Variants in SLBP observed in about 807,000 individuals in gnomAD.
SLBP encodes stem-loop histone mRNA binding protein, also known as histone RNA hairpin-binding protein.
In SLBP, 29 loss-of-function variants were observed where a neutral mutation model predicts 39.2. That is an observed-to-expected ratio of 0.74 (90% CI 0.55 to 1.01). The LOEUF (loss-of-function observed/expected upper bound fraction) is 1.01, where lower values mean the gene tolerates loss of function less well. SLBP is among the 50% of genes least tolerant of loss of function. The probability of loss-of-function intolerance (pLI) is 0.00; values close to 1 mark genes in which losing one functional copy is unlikely to be tolerated. For missense variants in SLBP, 390 were observed against 350.2 expected, an observed-to-expected ratio of 1.11 and a Z score of -0.91; for synonymous variants, 129 against 118.7, an observed-to-expected ratio of 1.09 and a Z score of -0.57.
In SLBP at chr4:1,693,378, T is replaced by C; in HGVS notation, c.*219A>G. On this transcript the variant is annotated 3_prime_UTR_variant, in exon 8 of 8. Coordinates refer to ENST00000489418, the MANE Select transcript of SLBP (RefSeq NM_006527.4). Reference sequence around the variant, plus strand: ...TGGAAGAGAGCTTCAAGTACTTTCTTGGACTTAGCTCCATTTACAATTTAA... The same window carrying C: ...TGGAAGAGAGCTTCAAGTACTTTCTCGGACTTAGCTCCATTTACAATTTAA... The C allele has an allele frequency of 4.3e-6, 2 of 465,954 alleles. No individual in the cohort carries two copies. The highest frequency in any genetic ancestry group is 7.5e-5 in the East Asian group (2 of 26,556). 28.9% of individuals were successfully genotyped at this position (465,954 alleles called of 1,614,324 possible). A position where few individuals can be genotyped will look rare whatever the true frequency, so the allele number is the denominator to read the frequency against.
Position 1,712,281 on chromosome 4 carries a change from G to A in SLBP, c.-93C>T, listed in dbSNP as rs1355413670. 2 of 765,590 alleles carry A rather than the reference G, an allele frequency of 2.6e-6. No homozygotes were observed. The highest frequency in any genetic ancestry group is 2.7e-5 in the South Asian group (1 of 37,408). 47.4% of individuals were successfully genotyped at this position (765,590 alleles called of 1,614,324 possible). The stretch of plus-strand genomic sequence containing the variant: ...AGAGTAGAGCAGGGCAGGGCCTGAG[G>A]CAGAAACCCGCGTCCCCGCGCCGGC... On this transcript the variant is annotated 5_prime_UTR_variant, in exon 1 of 8. Coordinates refer to ENST00000489418, the MANE Select transcript of SLBP (RefSeq NM_006527.4).
chr4:1,704,143 T>A (rs1173594026), intron 2 of SLBP, among the ~76,000 whole-genome samples: 1 of 152,174 alleles, frequency 6.6e-6, no homozygotes, highest in Non-Finnish European at 1.5e-5. Flanking sequence ...TATGATTCCT[T>A]TTGGGTGTCC....
chr4:1,695,905 T>C (rs1286078938), intron 6 of SLBP, among the ~76,000 whole-genome samples: 1 of 152,236 alleles, frequency 6.6e-6, no homozygotes, highest in Non-Finnish European at 1.5e-5. Flanking sequence ...CCAGAGATTA[T>C]TGTAATTTTT....
intron 2 of SLBP, among the ~76,000 whole-genome samples, chr4:1,709,613 C>CT (rs35077844): frequency 0.2 from 28,659 of 141,024 alleles, 3,364 homozygotes; most frequent in Non-Finnish European, 0.27. Flanking sequence ...ACATCTACTT[C>CT]TTTTTTTTTT....
intron 5 of SLBP, among the ~76,000 whole-genome samples, chr4:1,697,328 G>A (rs1385369050): frequency 1.3e-5 from 2 of 151,246 alleles, no homozygotes; most frequent in African/African-American, 2.4e-5. Context: ...AACTAGCCAG[G>A]CGTGGTGGTA....
chr4:1,711,625 C>G (rs1302434653), intron 2 of SLBP, among the ~76,000 whole-genome samples: 2 of 152,234 alleles, frequency 1.3e-5, no homozygotes, highest in African/African-American at 4.8e-5. Context: ...AACACAGACT[C>G]GAACTGGCTA....
chr4:1,703,035 A>G (rs1158281295), intron 3 of SLBP, among the ~76,000 whole-genome samples: 1 of 151,998 alleles, frequency 6.6e-6, no homozygotes, highest in Non-Finnish European at 1.5e-5. Context: ...TCAGGAGTTC[A>G]AGACCAGCCT....
At chr4:1,709,267 A>C (rs1276888370) in intron 2 of SLBP, among the ~76,000 whole-genome samples, 2 of 152,086 alleles carry the variant, frequency 1.3e-5, no homozygotes, top group East Asian at 3.9e-4. Flanking sequence ...GTTGGGAAAA[A>C]GGCTTATCGA....
chr4:1,711,914 C>T lies in SLBP; in HGVS notation c.136G>A (p.Glu46Lys), dbSNP rs886222053. The T allele has an allele frequency of 7.3e-6, 10 of 1,366,350 alleles. No homozygotes were observed. In the Admixed American group the frequency reaches 3.4e-4, roughly 46 times the overall value. 84.6% of individuals were successfully genotyped at this position (1,366,350 alleles called of 1,614,324 possible). ...DGRRWRPEDAEEAEHRGAERR... is the reference protein window; with the variant it reads ...DGRRWRPEDAKEAEHRGAERR... ...TCGGCGCCGCGGTGCTCTGCCTCCT[C>T]GGCGTCTTCGGGCCTCCAGCGCCTG... Residue 46 changes from glutamate (E) to lysine (K), a missense_variant, in exon 2 of 8, where the codon GAG becomes AAG. Coordinates refer to ENST00000489418, the MANE Select transcript of SLBP (RefSeq NM_006527.4).
At chr4:1,701,541 AG>A (rs1478015751) in intron 3 of SLBP, among the ~76,000 whole-genome samples, 1 of 152,230 alleles carries the variant, frequency 6.6e-6, no homozygotes, top group East Asian at 1.9e-4. Context: ...TCTTACTGTC[AG>A]GAAGTAAGCC....
chr4:1,705,680 A>C (rs1716490062), intron 2 of SLBP, among the ~76,000 whole-genome samples: 1 of 152,254 alleles, frequency 6.6e-6, no homozygotes, highest in African/African-American at 2.4e-5. Flanking sequence ...TGTCTACAGC[A>C]AATTGTCCAC....
chr4:1,694,391 TC>T (rs1716029309), intron 7 of SLBP, among the ~76,000 whole-genome samples: 1 of 140,698 alleles, frequency 7.1e-6, no homozygotes, highest in Non-Finnish European at 1.5e-5. Context: ...CACATGGTTT[TC>T]TTTCTTTTTT....
intron 2 of SLBP, among the ~76,000 whole-genome samples, chr4:1,705,721 G>A (rs1192303848): frequency 6.6e-6 from 1 of 152,198 alleles, no homozygotes; most frequent in Admixed American, 6.5e-5. Context: ...GTGTATGAAT[G>A]TATTTCTGGG....
intron 7 of SLBP, 30 bp downstream of exon 7, chr4:1,694,744 C>T (rs1277407897): frequency 1.9e-6 from 3 of 1,539,984 alleles, no homozygotes; most frequent in Admixed American, 1.7e-5. Flanking sequence ...CTGCAACCCC[C>T]AAGCTGAAAG....
chr4:1,694,809 T>C lies in SLBP; in HGVS notation c.661A>G (p.Ser221Gly), dbSNP rs1396804920. The C allele has an allele frequency of 3.1e-6, 5 of 1,613,806 alleles. No homozygotes were observed. Among genetic ancestry groups the C allele is most frequent in the Admixed American group, 3.3e-5 (2 of 60,010 alleles). ...HPVDLESAES[S>G]SEPQTSSQDD... ...TGAGAGCTGGTCTGGGGCTCGGAGCTGCTTTCTGCAGATTCAAGGTCTACA... is the reference window on the plus strand; with the variant it reads ...TGAGAGCTGGTCTGGGGCTCGGAGCCGCTTTCTGCAGATTCAAGGTCTACA... Residue 221 changes from serine (S) to glycine (G), a missense_variant, in exon 7 of 8, where the codon AGC becomes GGC. Physicochemically the swap from Ser to Gly is moderately conservative, Grantham distance 56. Transcript: ENST00000489418.
At chr4:1,710,339 TC>T (rs896512004) in intron 2 of SLBP, among the ~76,000 whole-genome samples, 1 of 152,244 alleles carries the variant, frequency 6.6e-6, no homozygotes, top group Non-Finnish European at 1.5e-5. Context: ...GCCTAGCTGC[TC>T]CAGCCCATCT....
chr4:1,707,372 G>C (rs1716563990), intron 2 of SLBP, among the ~76,000 whole-genome samples: 1 of 149,542 alleles, frequency 6.7e-6, no homozygotes, highest in Non-Finnish European at 1.5e-5. Flanking sequence ...TGGGTGTGGT[G>C]GTGGGTGCCT....
At chr4:1,709,857 C>T (rs1716670794) in intron 2 of SLBP, among the ~76,000 whole-genome samples, 1 of 152,202 alleles carries the variant, frequency 6.6e-6, no homozygotes, top group Non-Finnish European at 1.5e-5. Context: ...GTGATCCACC[C>T]GCCTTTTGCC....
Position 1,693,429 on chromosome 4 carries a change from A to G in SLBP, c.*168T>C. On this transcript the variant is annotated 3_prime_UTR_variant, in exon 8 of 8. Transcript: ENST00000489418. ...AACATGCAAAATATACTCACTATAC[A>G]TAAAATTAATGTTTCTTAAGAAAGT... The G allele has an allele frequency of 3.4e-6, 2 of 592,148 alleles. No individual in the cohort carries two copies. The highest frequency in any genetic ancestry group is 4.1e-5 in the South Asian group (2 of 48,878). The allele number at this position is 592,148 out of a possible 1,614,324, so 36.7% of individuals were successfully genotyped here. A position where few individuals can be genotyped will look rare whatever the true frequency, so the allele number is the denominator to read the frequency against.
Sources: allele counts gnomAD v4.1 joint callset (sites outside exome capture counted in the v4.1 genomes callset), GRCh38; gene constraint gnomAD v4.1.1; transcripts MANE v1.5; gene names NCBI Gene and HGNC (gene_info 2026-07-23, HGNC 2026-07-21).